The following SCP2 variants were observed in gnomAD, a reference collection of about 807,000 sequenced individuals.
SCP2 encodes sterol carrier protein 2.
In SCP2, 48 loss-of-function variants were observed where a neutral mutation model predicts 71.4. The observed-to-expected ratio is 0.67, with a 90% CI of 0.53 to 0.86. The LOEUF (loss-of-function observed/expected upper bound fraction) is 0.86. Ranked by LOEUF, SCP2 falls within the 40% of genes least tolerant of loss-of-function variation. The pLI is 0.00. For missense variants in SCP2, 560 were observed against 655.6 expected (o/e 0.85, Z 1.59); for synonymous variants, 220 against 218.1 (o/e 1.01, Z -0.08).
intron 10 of SCP2, among the ~76,000 whole-genome samples, chr1:52,986,052 C>T (rs973082938): frequency 2.4e-5 from 3 of 126,454 alleles, no homozygotes; most frequent in African/African-American, 4.8e-5. Context: ...TAGGGATTTT[C>T]GTTTGGTTCA....
chr1:52,970,390 C>G (rs906365012), intron 6 of SCP2, among the ~76,000 whole-genome samples: 3 of 152,218 alleles, frequency 2.0e-5, no homozygotes, highest in African/African-American at 7.2e-5. Context: ...GCTGGGACTA[C>G]AGGTGTACCT....
intron 12 of SCP2, among the ~76,000 whole-genome samples, chr1:53,016,320 A>G (rs1224611994): frequency 7.2e-5 from 11 of 152,138 alleles, no homozygotes; most frequent in Non-Finnish European, 1.6e-4. Context: ...GTTGCACTGT[A>G]TCCGGTTTTT....
chr1:53,037,730 C>G (rs996951641), intron 13 of SCP2, among the ~76,000 whole-genome samples: 1 of 151,990 alleles, frequency 6.6e-6, no homozygotes, highest in Non-Finnish European at 1.5e-5. Context: ...TCTTTAAGTT[C>G]TGATTGCAAG....
At chr1:53,043,199 G>C (rs1663555518) in intron 14 of SCP2, among the ~76,000 whole-genome samples, 1 of 152,206 alleles carries the variant, frequency 6.6e-6, no homozygotes, top group South Asian at 2.1e-4. Flanking sequence ...TTCCCTGAGA[G>C]TCCAATGGTC....
At chr1:52,956,689 G>C (rs1006949204) in intron 5 of SCP2, among the ~76,000 whole-genome samples, 9 of 152,156 alleles carry the variant, frequency 5.9e-5, no homozygotes, top group African/African-American at 1.9e-4. Context: ...GTCTGGATTA[G>C]AGTGGCAGCT....
chr1:52,977,834 C>A (rs1557579668), intron 8 of SCP2, among the ~76,000 whole-genome samples: 1 of 152,122 alleles, frequency 6.6e-6, no homozygotes, highest in Non-Finnish European at 1.5e-5. Flanking sequence ...GTAGCGCATG[C>A]CTGTAATCTC....
At chr1:52,970,195 G>A (rs1384129590) in intron 6 of SCP2, among the ~76,000 whole-genome samples, 1 of 152,092 alleles carries the variant, frequency 6.6e-6, no homozygotes, top group African/African-American at 2.4e-5. Context: ...TTTATTGCCT[G>A]GTGATTTGAG....
At position 52,960,518 on chromosome 1, in the gene SCP2, G is replaced by A. The variant is rs981829755; in HGVS notation, c.397-985G>A. Among the ~76,000 whole-genome samples the A allele has an allele frequency of 1.6e-3, 190 of 116,144 alleles. 3 individuals carry two copies. The East Asian group carries it at 0.021, about 13-fold the overall frequency. The allele number at this position is 116,144 out of a possible 152,430, so 76.2% of individuals were successfully genotyped here. On this transcript the variant is annotated intron_variant, in intron 5 of 15. Coordinates refer to ENST00000371514, the MANE Select transcript of SCP2 (RefSeq NM_002979.5). ...TGTGTGTGTGTGTGTGTGTGTGTGT[G>A]TATATGTGTGTATATATATGTATGT...
At chr1:52,986,168 C>T (rs11206060) in intron 10 of SCP2, among the ~76,000 whole-genome samples, 41,096 of 152,046 alleles carry the variant, frequency 0.27, 7,293 homozygotes, top group Non-Finnish European at 0.4. Flanking sequence ...TAGGGGAGAG[C>T]GTTCATTTAC....
At chr1:52,997,550 T>A (rs1267116294) in intron 11 of SCP2, among the ~76,000 whole-genome samples, 6 of 152,210 alleles carry the variant, frequency 3.9e-5, no homozygotes. Context: ...AAAACATTTT[T>A]AAATTCCATT....
chr1:53,003,642 C>T (rs552535120), intron 11 of SCP2, among the ~76,000 whole-genome samples: 1 of 152,288 alleles, frequency 6.6e-6, no homozygotes, highest in East Asian at 1.9e-4. Flanking sequence ...GCCTCAGTCT[C>T]CCAAGTAGCT....
At chr1:52,978,821 C>G (rs1189679066) in intron 9 of SCP2, among the ~76,000 whole-genome samples, 1 of 152,120 alleles carries the variant, frequency 6.6e-6, no homozygotes, top group Non-Finnish European at 1.5e-5. Flanking sequence ...CTCAGCCTTC[C>G]AAAATGCTGG....
intron 11 of SCP2, among the ~76,000 whole-genome samples, chr1:53,008,503 A>G (rs553424046): frequency 6.6e-6 from 1 of 152,350 alleles, no homozygotes; most frequent in African/African-American, 2.4e-5. Context: ...GTAATCCATC[A>G]TATAAACAGA....
Position 52,935,461 on chromosome 1 carries a change from A to G in SCP2, c.70-6335A>G, listed in dbSNP as rs1309402065. ...AAAAATTAGCCAGGCGTGGTGGTGGACGCCTGTAATCCCAGCTACTCGAGA... is the reference window on the plus strand; with the variant it reads ...AAAAATTAGCCAGGCGTGGTGGTGGGCGCCTGTAATCCCAGCTACTCGAGA... On this transcript the variant is annotated intron_variant, in intron 1 of 15. Coordinates refer to ENST00000371514, the MANE Select transcript of SCP2 (RefSeq NM_002979.5). Among the ~76,000 whole-genome samples, 6 of 149,438 alleles carry G rather than the reference A, an allele frequency of 4.0e-5. No individual in the cohort carries two copies. In the East Asian group the frequency reaches 1.2e-3, roughly 30 times the overall value.
At chr1:52,942,988 C>G (rs1461390345) in intron 2 of SCP2, among the ~76,000 whole-genome samples, 3 of 152,040 alleles carry the variant, frequency 2.0e-5, no homozygotes, top group Non-Finnish European at 4.4e-5. Flanking sequence ...AGGTGTGAGC[C>G]ACTGCGCCCA....
chr1:52,948,062 T>G lies in SCP2; in HGVS notation c.181T>G (p.Cys61Gly). Residue 61 changes from cysteine (C) to glycine (G), a missense_variant, in exon 3 of 16, where the codon TGT (cysteine) becomes GGT (glycine). Cys to Gly is a radical substitution (Grantham distance 159). Transcript: ENST00000371514. Reference protein sequence around the residue: ...QIPYSAVDQACVGYVFGDSTC... With the variant: ...QIPYSAVDQAGVGYVFGDSTC... ...CCCTTATTCAGCAGTGGACCAGGCATGTGTTGGCTATGTTTTTGGTATGTA... is the reference window on the plus strand; with the variant it reads ...CCCTTATTCAGCAGTGGACCAGGCAGGTGTTGGCTATGTTTTTGGTATGTA... 6.2e-7 allele frequency: 1 copy of G among 1,612,366 alleles called. No individual in the cohort carries two copies. Among genetic ancestry groups the G allele is most frequent in the Non-Finnish European group, 8.5e-7 (1 of 1,178,404 alleles).
chr1:53,014,837 T>C, intron 11 of SCP2, 53 bp from the exon 12 acceptor site: 1 of 1,602,478 alleles, frequency 6.2e-7, no homozygotes, highest in Non-Finnish European at 8.5e-7. Flanking sequence ...ATCCCTTTTC[T>C]GGCTTGAGAA....
rs370975331 is a variant in SCP2 at position 52,965,762 on chromosome 1, G to C, written c.523+4133G>C. 4.6e-5 allele frequency among the ~76,000 whole-genome samples: 7 copies of C among 151,492 alleles called. No homozygotes were observed. In the South Asian group the frequency reaches 1.5e-3, roughly 31 times the overall value. ...CGATTCTCCTGCCTCAGCCTCCCAA[G>C]TAGCTGGGATTACAGGTGCGCATCA... On this transcript the variant is annotated intron_variant, in intron 6 of 15. Transcript: ENST00000371514.
At chr1:53,038,674 A>C (rs1663196226) in intron 13 of SCP2, among the ~76,000 whole-genome samples, 1 of 152,060 alleles carries the variant, frequency 6.6e-6, no homozygotes, top group African/African-American at 2.4e-5. Context: ...CAAAGTGCTG[A>C]GATTACAGGA....
Sources: allele counts gnomAD v4.1 joint callset (sites outside exome capture counted in the v4.1 genomes callset), GRCh38; gene constraint gnomAD v4.1.1; transcripts MANE v1.5; gene names NCBI Gene and HGNC (gene_info 2026-07-23, HGNC 2026-07-21).